Variants in RAB31 observed in about 807,000 individuals in gnomAD.
The protein encoded by RAB31 is RAB31, member RAS oncogene family, also known as ras-related protein Rab-31.
In RAB31, 21 loss-of-function variants were observed where a neutral mutation model predicts 25.6. The observed-to-expected ratio is 0.82, with a 90% CI of 0.58 to 1.18. The LOEUF (loss-of-function observed/expected upper bound fraction) is 1.18. Among genes scored for constraint, RAB31 ranks in the 50% most tolerant of loss-of-function variants. RAB31 has a pLI of 0.00. For missense variants in RAB31, 196 were observed against 250.1 expected (o/e 0.78, Z 1.46); for synonymous variants, 87 against 84.0 (o/e 1.04, Z -0.20).
At chr18:9,751,747 C>T (rs918788322) in intron 1 of RAB31, among the ~76,000 whole-genome samples, 17 of 152,148 alleles carry the variant, frequency 1.1e-4, no homozygotes, top group African/African-American at 2.4e-4. Flanking sequence ...AATGATGTAA[C>T]GGCAAAGTGA....
rs577162810 is a variant in RAB31 at position 9,777,803 on chromosome 18, A to G, written c.119+2446A>G. Among the ~76,000 whole-genome samples, 5 of 137,272 alleles carry G rather than the reference A, an allele frequency of 3.6e-5. No homozygotes were observed. The East Asian group carries it at 8.4e-4, about 23-fold the overall frequency. 90.1% of individuals were successfully genotyped at this position (137,272 alleles called of 152,430 possible). A position where few individuals can be genotyped will look rare whatever the true frequency, so the allele number is the denominator to read the frequency against. On this transcript the variant is annotated intron_variant, in intron 2 of 6. Coordinates refer to ENST00000578921, the MANE Select transcript of RAB31 (RefSeq NM_006868.4). Reference sequence around the variant, plus strand: ...GGCGTCTTGCTCTGTCGCCCATGCTAGAGTGCAATGGTGTGATCTTGGCTC... The same window carrying G: ...GGCGTCTTGCTCTGTCGCCCATGCTGGAGTGCAATGGTGTGATCTTGGCTC...
chr18:9,740,084 G>C (rs1466796363), intron 1 of RAB31, among the ~76,000 whole-genome samples: 1 of 152,166 alleles, frequency 6.6e-6, no homozygotes, highest in East Asian at 1.9e-4. Flanking sequence ...CAGCCTAATG[G>C]ATGAATCCTG....
chr18:9,794,103 C>T (rs1458280613), intron 3 of RAB31, among the ~76,000 whole-genome samples: 1 of 152,132 alleles, frequency 6.6e-6, no homozygotes, highest in Non-Finnish European at 1.5e-5. Flanking sequence ...CTATGTTGCC[C>T]AGGCTGGTCT....
intron 1 of RAB31, among the ~76,000 whole-genome samples, chr18:9,724,991 G>T (rs2068090539): frequency 6.6e-6 from 1 of 152,172 alleles, no homozygotes; most frequent in African/African-American, 2.4e-5. Context: ...GAGCGGACCG[G>T]GCAGGCTGGG....
chr18:9,801,812 A>G (rs2068515365), intron 3 of RAB31, among the ~76,000 whole-genome samples: 1 of 152,228 alleles, frequency 6.6e-6, no homozygotes. Context: ...TTATAGTCTT[A>G]GCTCTCACTT....
intron 2 of RAB31, among the ~76,000 whole-genome samples, chr18:9,782,063 G>C (rs1222099109): frequency 6.6e-6 from 1 of 152,236 alleles, no homozygotes; most frequent in Non-Finnish European, 1.5e-5. Context: ...TTCCCATGTG[G>C]TGGGAGCCAG....
Position 9,861,876 on chromosome 18 carries a change from G to C in RAB31, c.*2551G>C, listed in dbSNP as rs2068849989. The C allele has an allele frequency of 6.6e-6, 1 of 152,526 alleles. No homozygotes were observed. Among genetic ancestry groups the C allele is most frequent in the Admixed American group, 6.5e-5 (1 of 15,274 alleles). 9.4% of individuals were successfully genotyped at this position (152,526 alleles called of 1,614,324 possible). On this transcript the variant is annotated 3_prime_UTR_variant, in exon 7 of 7. Coordinates refer to ENST00000578921, the MANE Select transcript of RAB31 (RefSeq NM_006868.4). Reference sequence around the variant, plus strand: ...CCTAGCCATGTGTTAATATAAAGTAGGCATGGCTTCCCAATGGAAATCTCT... The same window carrying C: ...CCTAGCCATGTGTTAATATAAAGTACGCATGGCTTCCCAATGGAAATCTCT...
At chr18:9,839,380 A>ATCC (rs1282958896) in intron 5 of RAB31, among the ~76,000 whole-genome samples, 2 of 152,180 alleles carry the variant, frequency 1.3e-5, no homozygotes, top group East Asian at 1.9e-4. Context: ...AGCAATCAGA[A>ATCC]GATGTTGGAG....
chr18:9,856,081 C>T (rs1464955245), intron 6 of RAB31: 1 of 152,116 alleles, frequency 6.6e-6, no homozygotes, highest in East Asian at 1.9e-4. Context: ...ACTCTTCCTA[C>T]CAAAGGAGAA....
chr18:9,830,211 C>A (rs951505751), intron 5 of RAB31: 1 of 151,914 alleles, frequency 6.6e-6, no homozygotes, highest in African/African-American at 2.4e-5. Flanking sequence ...GGGGGTGTTG[C>A]TATATTGCCA....
intron 3 of RAB31, among the ~76,000 whole-genome samples, chr18:9,803,468 G>A (rs1449951923): frequency 6.6e-6 from 1 of 152,066 alleles, no homozygotes; most frequent in East Asian, 1.9e-4. Context: ...GGATGACTGT[G>A]CTTTCTACCA....
At chr18:9,792,425 G>A (rs2068465425) in intron 3 of RAB31, among the ~76,000 whole-genome samples, 190 bp downstream of exon 3, 1 of 152,120 alleles carries the variant, frequency 6.6e-6, no homozygotes, top group Non-Finnish European at 1.5e-5. Flanking sequence ...GGTGAGGCGG[G>A]GCTGAGTTCA....
At chr18:9,727,593 G>A (rs2068101774) in intron 1 of RAB31, among the ~76,000 whole-genome samples, 1 of 152,214 alleles carries the variant, frequency 6.6e-6, no homozygotes, top group East Asian at 1.9e-4. Flanking sequence ...TGGGATTATA[G>A]GCATGAACCA....
At chr18:9,733,517 C>T (rs1006083705) in intron 1 of RAB31, among the ~76,000 whole-genome samples, 6 of 152,118 alleles carry the variant, frequency 3.9e-5, no homozygotes, top group Non-Finnish European at 8.8e-5. Context: ...TTCTGGAAGC[C>T]CAGGTTCTCC....
At chr18:9,854,747 AG>A (rs1171308296) in intron 6 of RAB31, among the ~76,000 whole-genome samples, 8 of 152,198 alleles carry the variant, frequency 5.3e-5, no homozygotes, top group Admixed American at 3.9e-4. Context: ...CTGCATTATT[AG>A]GGCGATGTTC....
chr18:9,774,355 G>C (rs2068361183), intron 1 of RAB31, among the ~76,000 whole-genome samples: 1 of 152,164 alleles, frequency 6.6e-6, no homozygotes, highest in Non-Finnish European at 1.5e-5. Flanking sequence ...CTCTGACCCT[G>C]GTTATGTGGC....
At chr18:9,807,092 C>T (rs986818503) in intron 3 of RAB31, among the ~76,000 whole-genome samples, 2 of 152,122 alleles carry the variant, frequency 1.3e-5, no homozygotes, top group African/African-American at 4.8e-5. Flanking sequence ...GAGGGAGGTG[C>T]GGCTGCGTGA....
chr18:9,821,341 T>C (rs912244362), intron 5 of RAB31, among the ~76,000 whole-genome samples: 1 of 152,114 alleles, frequency 6.6e-6, no homozygotes, highest in Non-Finnish European at 1.5e-5. Flanking sequence ...TATTCTCCCT[T>C]AGAGAGAAAG....
chr18:9,794,524 C>A (rs2068476966), intron 3 of RAB31, among the ~76,000 whole-genome samples: 1 of 152,120 alleles, frequency 6.6e-6, no homozygotes, highest in Non-Finnish European at 1.5e-5. Flanking sequence ...ATAACACCAT[C>A]ATTTCATTCA....
Sources: gnomAD v4.1 joint callset for allele counts (sites outside exome capture counted in the v4.1 genomes callset) on GRCh38, gnomAD v4.1.1 for gene constraint, MANE v1.5 for transcripts, NCBI Gene and HGNC (gene_info 2026-07-23, HGNC 2026-07-21) for gene names.